Variants in SOCS7 observed in about 807,000 individuals in gnomAD.
SOCS7 encodes suppressor of cytokine signaling 7.
SOCS7 carries 18 observed loss-of-function variants against 58.9 expected under a neutral mutation model. That is an observed-to-expected ratio of 0.31 (90% confidence interval 0.21 to 0.45). SOCS7 has a LOEUF of 0.45. Among genes scored for constraint, SOCS7 ranks in the 20% least tolerant of loss-of-function variants. SOCS7 has a pLI of 1.00. For missense variants in SOCS7, 667 were observed against 837.3 expected, an observed-to-expected ratio of 0.80 and a Z score of 2.51; for synonymous variants, 388 against 364.3, an observed-to-expected ratio of 1.06 and a Z score of -0.74.
chr17:38,362,565 G>T (rs1325726375), intron 2 of SOCS7, among the ~76,000 whole-genome samples: 1 of 152,184 alleles, frequency 6.6e-6, no homozygotes, highest in African/African-American at 2.4e-5. Context: ...TGGATATCAT[G>T]TCCCTCAAAA....
chr17:38,390,348 G>A (rs573121280), intron 7 of SOCS7, among the ~76,000 whole-genome samples: 5 of 152,212 alleles, frequency 3.3e-5, no homozygotes, highest in African/African-American at 1.2e-4. Flanking sequence ...GGAAAAGTGT[G>A]AGTCTCCAAC....
rs55849419 is a variant in SOCS7 at position 38,352,779 on chromosome 17, GAGCAGC to G, written c.747_752del (p.Gln250_Gln251del). The G allele has an allele frequency of 4.7e-5, 73 of 1,549,896 alleles. No homozygotes were observed. Among genetic ancestry groups the G allele is most frequent in the Middle Eastern group, 1.8e-4 (1 of 5,548 alleles). On this transcript the variant is annotated inframe_deletion, in exon 1 of 10. Coordinates refer to ENST00000612932, the MANE Select transcript of SOCS7 (RefSeq NM_014598.4). This position sits in a 1 kb window ranked among gnomAD's most constrained non-coding sequence, Gnocchi z 5.5. ...CCCTCTGGGGCGCCTGAGTAGAGGG[GAGCAGC>G]AGCAGCAGCAGCAGCAGCAACCTCC...
At chr17:38,393,824 C>T (rs1485408280) in intron 7 of SOCS7, among the ~76,000 whole-genome samples, 2 of 147,204 alleles carry the variant, frequency 1.4e-5, no homozygotes, top group African/African-American at 5.0e-5. Flanking sequence ...GGCATGAACC[C>T]GGGAGGCAGA....
At chr17:38,371,870 C>T (rs1227459366) in intron 6 of SOCS7, among the ~76,000 whole-genome samples, 1 of 148,898 alleles carries the variant, frequency 6.7e-6, no homozygotes, top group Non-Finnish European at 1.5e-5. Flanking sequence ...TTCCCTTTTC[C>T]ATTTGGGATT....
intron 6 of SOCS7, among the ~76,000 whole-genome samples, chr17:38,377,052 G>C (rs372140069): frequency 6.6e-6 from 1 of 152,118 alleles, no homozygotes; most frequent in South Asian, 2.1e-4. Context: ...ACACCATCTA[G>C]GTTTGGATAA....
chr17:38,352,534 C>G lies in SOCS7; in HGVS notation c.482C>G (p.Pro161Arg). 1 of 1,548,136 alleles carries G rather than the reference C, an allele frequency of 6.5e-7. No individual in the cohort carries two copies. The highest frequency in any genetic ancestry group is 8.7e-7 in the Non-Finnish European group (1 of 1,145,780). ...PQPPPPQPQP[P>R]AAAPQAGEDP... is the part of the protein sequence containing the mutation. ...CCGCCCCCTCCGCAGCCCCAGCCGCCTGCTGCCGCCCCGCAGGCCGGGGAG... is the reference window on the plus strand; with the variant it reads ...CCGCCCCCTCCGCAGCCCCAGCCGCGTGCTGCCGCCCCGCAGGCCGGGGAG... The change falls in exon 1 of 10, where the codon CCT (proline) becomes CGT (arginine). Residue 161 changes from proline to arginine, a missense_variant. Pro to Arg is a moderately radical substitution (Grantham distance 103, BLOSUM62 -2). Around this residue, in one of 9 missense-constraint regions of SOCS7, gnomAD observed 154 missense variants for 156.3 expected, o/e 0.98. Coordinates refer to ENST00000612932, the MANE Select transcript of SOCS7 (RefSeq NM_014598.4). This position sits in a 1 kb window ranked among gnomAD's most constrained non-coding sequence, Gnocchi z 5.5.
Position 38,366,400 on chromosome 17 carries a change from C to T in SOCS7, c.1366C>T (p.Leu456Phe). Residue 456 changes from leucine to phenylalanine, a missense_variant, in exon 5 of 10, where the codon CTT becomes TTT. Transcript: ENST00000612932. ...RPDSSSFAASLRELEKCGWYW... is the reference protein window; with the variant it reads ...RPDSSSFAASFRELEKCGWYW... ...TGACTCGAGCAGCTTTGCAGCCAGCCTTCGAGAGTTGGAGAAGGTAGGTGG... is the reference window on the plus strand; with the variant it reads ...TGACTCGAGCAGCTTTGCAGCCAGCTTTCGAGAGTTGGAGAAGGTAGGTGG... 4 of 1,614,238 alleles carry T rather than the reference C, an allele frequency of 2.5e-6. No homozygotes were observed. Among genetic ancestry groups the T allele is most frequent in the Non-Finnish European group, 1.7e-6 (2 of 1,180,052 alleles).
rs956115946 is a variant in SOCS7, at chr17:38,370,892, G to A, written c.1552+2842G>A. On this transcript the variant is annotated intron_variant, in intron 6 of 9. Transcript: ENST00000612932. ...TCTCGAACTCCTGACCTTGTGATCC[G>A]CCTGCCTCGGCCTCCCAAAGTGTTG... 7.3e-5 allele frequency among the ~76,000 whole-genome samples: 11 copies of A among 151,002 alleles called. No individual in the cohort carries two copies. The East Asian group carries it at 1.6e-3, about 22-fold the overall frequency.
intron 2 of SOCS7, 25 bp from the exon 3 acceptor site, chr17:38,364,727 C>G (rs1555568038): frequency 2.5e-6 from 4 of 1,602,330 alleles, no homozygotes; most frequent in Non-Finnish European, 3.4e-6. Context: ...GCTTCTGTAA[C>G]TTGCTTGCTC....
In SOCS7 at chr17:38,400,287, T is replaced by C. The variant is rs2038301649; in HGVS notation, c.*805T>C. 2 of 152,236 alleles carry C rather than the reference T, an allele frequency of 1.3e-5. No individual in the cohort carries two copies. Among genetic ancestry groups the C allele is most frequent in the Admixed American group, 6.5e-5 (1 of 15,276 alleles). 9.4% of individuals were successfully genotyped at this position (152,236 alleles called of 1,614,324 possible). ...TCAACCCATTGCCCCTTGAGATAAC[T>C]GTACATGTCACTCTGATCATGGTAA... On this transcript the variant is annotated 3_prime_UTR_variant, in exon 10 of 10. Coordinates refer to ENST00000612932, the MANE Select transcript of SOCS7 (RefSeq NM_014598.4).
At chr17:38,375,857 T>C (rs1461033631) in intron 6 of SOCS7, 2 of 152,106 alleles carry the variant, frequency 1.3e-5, no homozygotes, top group African/African-American at 4.8e-5. Context: ...TTCGCTCTTA[T>C]TGCCCAGGCT....
At chr17:38,391,043 T>G (rs1303379952) in intron 7 of SOCS7, among the ~76,000 whole-genome samples, 1 of 152,194 alleles carries the variant, frequency 6.6e-6, no homozygotes, top group Non-Finnish European at 1.5e-5. Context: ...GTTAAATTTA[T>G]TTTTTAGTAT....
intron 6 of SOCS7, among the ~76,000 whole-genome samples, chr17:38,373,913 A>G (rs987627758): frequency 1.3e-5 from 2 of 152,242 alleles, no homozygotes; most frequent in African/African-American, 4.8e-5. Flanking sequence ...GTCTGGAAAG[A>G]TTCCTCCATT....
At chr17:38,387,102 A>AAAAATAT (rs1244894607) in intron 7 of SOCS7, among the ~76,000 whole-genome samples, 40 of 51,102 alleles carry the variant, frequency 7.8e-4, no homozygotes, top group Non-Finnish European at 1.1e-3. Context: ...AAAAAAAAAA[A>AAAAATAT]ATATATATAT....
At chr17:38,364,484 C>G (rs941494084) in intron 2 of SOCS7, among the ~76,000 whole-genome samples, 1 of 152,138 alleles carries the variant, frequency 6.6e-6, no homozygotes, top group South Asian at 2.1e-4. Context: ...AAGTCAGTGG[C>G]GGAACCAGAA....
At chr17:38,382,803 T>G (rs957762035) in intron 7 of SOCS7, among the ~76,000 whole-genome samples, 2 of 152,180 alleles carry the variant, frequency 1.3e-5, no homozygotes, top group Non-Finnish European at 2.9e-5. Context: ...GACAGCTCTT[T>G]AAGGAAATTG....
At chr17:38,373,956 C>A (rs2037899414) in intron 6 of SOCS7, among the ~76,000 whole-genome samples, 1 of 152,248 alleles carries the variant, frequency 6.6e-6, no homozygotes, top group African/African-American at 2.4e-5. Flanking sequence ...TGGAGTGGCT[C>A]ACGCCTGTAA....
chr17:38,393,593 C>T (rs977765126), intron 7 of SOCS7, among the ~76,000 whole-genome samples: 3 of 151,718 alleles, frequency 2.0e-5, no homozygotes, highest in African/African-American at 4.8e-5. Context: ...GTCAAAATCG[C>T]GCCACTGCAC....
intron 9 of SOCS7, among the ~76,000 whole-genome samples, chr17:38,398,370 T>C (rs2038271815): frequency 6.6e-6 from 1 of 151,166 alleles, no homozygotes; most frequent in African/African-American, 2.4e-5. Flanking sequence ...AGCCTCCCAG[T>C]GGGAGGCTGG....
Sources: gnomAD v4.1 joint callset for allele counts (sites outside exome capture counted in the v4.1 genomes callset) on GRCh38, gnomAD v4.1.1 for gene constraint, gnomAD v4.1.1 regional missense constraint, Gnocchi (gnomAD v3.1) non-coding constraint, MANE v1.5 for transcripts, NCBI Gene and HGNC (gene_info 2026-07-23, HGNC 2026-07-21) for gene names.